C11orf65: variants seen among roughly 807,000 people sequenced by gnomAD.
C11orf65 encodes the protein chromosome 11 open reading frame 65.
C11orf65 carries 38 observed loss-of-function variants against 35.3 expected under a neutral mutation model. That is an observed-to-expected ratio of 1.08 (90% CI 0.83 to 1.41). The LOEUF (loss-of-function observed/expected upper bound fraction) is 1.41, where lower values mean the gene tolerates loss of function less well. C11orf65 is among the 40% of genes most tolerant of loss of function. The pLI, the probability that C11orf65 is intolerant of heterozygous loss-of-function variation, is 0.00. For synonymous variants in C11orf65, 105 were observed against 114.4 expected (o/e 0.92, Z 0.53); for missense variants, 370 against 367.1 (o/e 1.01, Z -0.06).
intron 2 of C11orf65, among the ~76,000 whole-genome samples, chr11:108,442,302 C>T (rs2093167516): frequency 6.6e-6 from 1 of 152,088 alleles, no homozygotes; most frequent in Admixed American, 6.6e-5. Flanking sequence ...ACGAACAAAG[C>T]CTCTAAGAAA....
At chr11:108,460,643 G>T (rs981349019) in intron 2 of C11orf65, among the ~76,000 whole-genome samples, 1 of 152,144 alleles carries the variant, frequency 6.6e-6, no homozygotes, top group African/African-American at 2.4e-5. Flanking sequence ...TTATAAAAGT[G>T]CCTGGCCCAG....
At chr11:108,451,848 A>G (rs1201091421) in intron 2 of C11orf65, among the ~76,000 whole-genome samples, 4 of 152,128 alleles carry the variant, frequency 2.6e-5, no homozygotes, top group Non-Finnish European at 5.9e-5. Flanking sequence ...CAGAAATAAT[A>G]CCACACATCT....
chr11:108,436,300 A>G (rs2093059588), intron 2 of C11orf65, among the ~76,000 whole-genome samples: 2 of 152,144 alleles, frequency 1.3e-5, no homozygotes. Context: ...AAGATAATAC[A>G]TTTTTGTGGT....
chr11:108,323,672 T>C (rs2085394615), intron 6 of C11orf65, among the ~76,000 whole-genome samples: 1 of 152,150 alleles, frequency 6.6e-6, no homozygotes, highest in African/African-American at 2.4e-5. Context: ...CATAAATATG[T>C]ACAACTATTA....
intron 3 of C11orf65, among the ~76,000 whole-genome samples, chr11:108,419,912 T>A (rs879749904): frequency 6.6e-6 from 1 of 152,114 alleles, no homozygotes; most frequent in Admixed American, 6.6e-5. Context: ...CAGTGTATAA[T>A]GGCAAGAAAA....
chr11:108,378,101 T>G (rs2091775700), downstream of C11orf65, among the ~76,000 whole-genome samples: 1 of 152,084 alleles, frequency 6.6e-6, no homozygotes, highest in South Asian at 2.1e-4. Context: ...AAGCTACCAA[T>G]GACTTTCTTC....
At chr11:108,413,132 C>T (rs973440383) in intron 3 of C11orf65, among the ~76,000 whole-genome samples, 9 of 152,176 alleles carry the variant, frequency 5.9e-5, no homozygotes, top group Admixed American at 1.3e-4. Flanking sequence ...TTCTCCAGCA[C>T]AGACAAAATA....
rs1415683734 is a variant in C11orf65 at position 108,365,741 on chromosome 11, C to T, written c.226+27467G>A. ...AAATAATGGTCATTCGGGCTGGGCGCAGCGGCTCACGCCTGTAATCCCAGC... is the reference window on the plus strand; with the variant it reads ...AAATAATGGTCATTCGGGCTGGGCGTAGCGGCTCACGCCTGTAATCCCAGC... On this transcript the variant is annotated intron_variant, in intron 2 of 3. Transcript: ENST00000524755. 5.3e-6 allele frequency: 3 copies of T among 568,092 alleles called. No homozygotes were observed. In the African/African-American group the frequency reaches 5.6e-5, roughly 11 times the overall value. The allele number at this position is 568,092 out of a possible 1,614,324, so 35.2% of individuals were successfully genotyped here. A position where few individuals can be genotyped will look rare whatever the true frequency, so the allele number is the denominator to read the frequency against.
At position 108,332,834 on chromosome 11, in the gene C11orf65, G is replaced by C. The variant is rs1555125355; in HGVS notation, c.300-1267C>G. 6.2e-7 allele frequency: 1 copy of C among 1,613,176 alleles called. No individual in the cohort carries two copies. The highest frequency in any genetic ancestry group is 8.5e-7 in the Non-Finnish European group (1 of 1,179,542). The stretch of plus-strand genomic sequence containing the variant: ...GAGACCTCAGATGGTCAGAAGTGTT[G>C]AGGCACTTTGTGATGCTTATATTAT... On this transcript the variant is annotated intron_variant, in intron 3 of 3. Coordinates refer to the C11orf65 transcript ENST00000524755.
At chr11:108,317,313 T>C (rs2136158799) in intron 6 of C11orf65, 1 of 1,546,756 alleles carries the variant, frequency 6.5e-7, no homozygotes, top group Non-Finnish European at 8.9e-7. Flanking sequence ...TGTTTTTTTC[T>C]CTGGTTTTCT....
rs557477292 is a variant in C11orf65 at position 108,425,510 on chromosome 11, C to T, written c.174+6236G>A. Among the ~76,000 whole-genome samples, 21 of 152,232 alleles carry T rather than the reference C, an allele frequency of 1.4e-4. No homozygotes were observed. In the South Asian group the frequency reaches 4.1e-3, roughly 30 times the overall value. The stretch of plus-strand genomic sequence containing the variant: ...TGAAATTGAGGCAGTAATTAATAGG[C>T]TACCAACCAAAAAAATCCCAGGACC... On this transcript the variant is annotated intron_variant, in intron 3 of 8. Transcript: ENST00000393084.
chr11:108,315,041 A>C (rs2084500458), intron 6 of C11orf65, among the ~76,000 whole-genome samples: 1 of 152,238 alleles, frequency 6.6e-6, no homozygotes. Flanking sequence ...ACCTCCAGCC[A>C]CTGTGGTGTT....
Position 108,431,780 on chromosome 11 carries a change from G to C in C11orf65, c.140C>G (p.Pro47Arg), listed in dbSNP as rs147872008. 3.5e-5 allele frequency: 54 copies of C among 1,521,564 alleles called. No homozygotes were observed. Among genetic ancestry groups the C allele is most frequent in the Non-Finnish European group, 4.8e-5 (54 of 1,119,394 alleles). 94.3% of individuals were successfully genotyped at this position (1,521,564 alleles called of 1,614,324 possible). The change falls in exon 3 of 9, where the codon CCA (proline) becomes CGA (arginine). Residue 47 changes from proline to arginine, a missense_variant. Pro to Arg is a moderately radical substitution (Grantham distance 103, BLOSUM62 -2). Coordinates refer to ENST00000393084, the MANE Select transcript of C11orf65 (RefSeq NM_152587.5). ...ATTAATATATTTCACTATCTGACGT[G>C]GTTCTCCTTGTCTTCTTAAATCAAT... is the stretch of plus-strand genomic sequence containing the variant. Reference protein sequence around the residue: ...SLIDLRRQGEPRQIVKYINPK... With the variant: ...SLIDLRRQGERRQIVKYINPK...
At chr11:108,464,652 G>A (rs2093512995) in intron 1 of C11orf65, among the ~76,000 whole-genome samples, 2 of 152,084 alleles carry the variant, frequency 1.3e-5, no homozygotes. Context: ...GAGCCACTGC[G>A]CCTGGTGCAC....
intron 2 of C11orf65, among the ~76,000 whole-genome samples, chr11:108,459,198 C>G (rs940048122): frequency 6.6e-6 from 1 of 152,200 alleles, no homozygotes; most frequent in African/African-American, 2.4e-5. Context: ...ATGCCAAATT[C>G]ATGCTAGAAC....
In C11orf65 at chr11:108,325,571, C is replaced by CGTA. The variant is rs748362185; in HGVS notation, c.641-16501_641-16500insTAC. 1.3e-5 allele frequency: 20 copies of CGTA among 1,539,020 alleles called. No individual in the cohort carries two copies. In the South Asian group the frequency reaches 2.2e-4, roughly 17 times the overall value. On this transcript the variant is annotated intron_variant, in intron 6 of 6. Transcript: ENST00000525729. Reference sequence around the variant, plus strand: ...TAAATACAATTTAAAACTATGTCATCTTACCTCTTGACTTTCCTTTTATTA... The same window carrying CGTA: ...TAAATACAATTTAAAACTATGTCATCGTATTACCTCTTGACTTTCCTTTTATTA...
At chr11:108,362,503 T>C (rs1435848015) in intron 2 of C11orf65, among the ~76,000 whole-genome samples, 68 of 149,502 alleles carry the variant, frequency 4.5e-4, no homozygotes, top group Non-Finnish European at 1.2e-4. Context: ...TGCACACGTA[T>C]GTTTATTGCG....
intron 3 of C11orf65, among the ~76,000 whole-genome samples, chr11:108,421,188 T>A (rs2092810612): frequency 3.9e-5 from 6 of 152,178 alleles, no homozygotes. Flanking sequence ...TCATTCTACC[T>A]AGATTTTTAG....
chr11:108,445,800 G>C (rs940689336), intron 2 of C11orf65, among the ~76,000 whole-genome samples: 1 of 152,102 alleles, frequency 6.6e-6, no homozygotes, highest in African/African-American at 2.4e-5. Flanking sequence ...GAGAGAAGAA[G>C]GCTTCAGACG....
Sources: gnomAD v4.1 joint callset for allele counts (sites outside exome capture counted in the v4.1 genomes callset) on GRCh38, gnomAD v4.1.1 for gene constraint, MANE v1.5 for transcripts, NCBI Gene and HGNC (gene_info 2026-07-23, HGNC 2026-07-21) for gene names.